Variants in NKAIN3 observed in about 807,000 individuals in gnomAD.
The protein encoded by NKAIN3 is sodium/potassium transporting ATPase interacting 3.
A neutral mutation model predicts 30.2 loss-of-function variants in NKAIN3; 25 were observed. The observed-to-expected ratio is 0.83, with a 90% CI of 0.60 to 1.16. The LOEUF (loss-of-function observed/expected upper bound fraction) is 1.16. Among genes scored for constraint, NKAIN3 ranks in the 50% most tolerant of loss-of-function variants. The pLI, the probability that NKAIN3 is intolerant of heterozygous loss-of-function variation, is 0.00. For missense variants in NKAIN3, 225 were observed against 254.1 expected, an observed-to-expected ratio of 0.89 and a Z score of 0.78; for synonymous variants, 91 against 89.6, an observed-to-expected ratio of 1.02 and a Z score of -0.09.
intron 1 of NKAIN3, among the ~76,000 whole-genome samples, chr8:62,398,716 A>G (rs1017467489): frequency 6.6e-6 from 1 of 152,240 alleles, no homozygotes; most frequent in African/African-American, 2.4e-5. Flanking sequence ...GTCCTGTTTT[A>G]GTTATGATTG....
At chr8:62,879,627 C>T (rs559973250) in intron 4 of NKAIN3, among the ~76,000 whole-genome samples, 1 of 152,172 alleles carries the variant, frequency 6.6e-6, no homozygotes, top group East Asian at 1.9e-4. Context: ...TGGGTGGGTC[C>T]AAATGTGGGA....
chr8:62,871,141 C>A (rs769299170), intron 4 of NKAIN3, among the ~76,000 whole-genome samples: 9 of 152,118 alleles, frequency 5.9e-5, no homozygotes, highest in Non-Finnish European at 1.3e-4. Flanking sequence ...TGGCTCCGAA[C>A]TGTAATCCCA....
chr8:62,457,393 T>A (rs1293622991), intron 1 of NKAIN3, among the ~76,000 whole-genome samples: 2 of 152,208 alleles, frequency 1.3e-5, no homozygotes, highest in African/African-American at 4.8e-5. Context: ...AAGCTCTCTG[T>A]CACCAGTAGT....
At chr8:62,344,107 G>C (rs544566625) in intron 1 of NKAIN3, among the ~76,000 whole-genome samples, 5 of 152,010 alleles carry the variant, frequency 3.3e-5, no homozygotes, top group Admixed American at 1.3e-4. Context: ...CAGCCAGGCT[G>C]GGGGGTGGAG....
intron 4 of NKAIN3, among the ~76,000 whole-genome samples, chr8:62,885,200 G>T (rs1452256114): frequency 6.6e-6 from 1 of 151,970 alleles, no homozygotes; most frequent in African/African-American, 2.4e-5. Context: ...CATTTAGTTT[G>T]AAATATTTTT....
In NKAIN3 at chr8:62,415,111, A is replaced by T. The variant is rs180880559; in HGVS notation, c.55-164428A>T. 6.0e-3 allele frequency among the ~76,000 whole-genome samples: 753 copies of T among 126,124 alleles called. 6 individuals are homozygous for T. The highest frequency in any genetic ancestry group is 8.3e-3 in the Admixed American group (86 of 10,354). 82.7% of individuals were successfully genotyped at this position (126,124 alleles called of 152,430 possible). A position where few individuals can be genotyped will look rare whatever the true frequency, so the allele number is the denominator to read the frequency against. On this transcript the variant is annotated intron_variant, in intron 1 of 6. Coordinates refer to ENST00000623646, the MANE Select transcript of NKAIN3 (RefSeq NM_001304533.3). ...TACTATATTACATATAATATATATT[A>T]TGTATAATATATAATATACTATAGT...
chr8:62,593,347 A>T (rs997711431), intron 3 of NKAIN3, among the ~76,000 whole-genome samples: 1 of 145,352 alleles, frequency 6.9e-6, no homozygotes, highest in Non-Finnish European at 1.5e-5. Context: ...GTACATAATT[A>T]AAAAAAAATC....
chr8:62,478,237 C>T (rs1471989157), intron 1 of NKAIN3, among the ~76,000 whole-genome samples: 4 of 152,038 alleles, frequency 2.6e-5, no homozygotes, highest in African/African-American at 9.7e-5. Context: ...ACTAGTAGAG[C>T]CGGGTATCCA....
intron 3 of NKAIN3, among the ~76,000 whole-genome samples, chr8:62,687,674 G>GC (rs1813841366): frequency 6.6e-6 from 1 of 152,190 alleles, no homozygotes; most frequent in South Asian, 2.1e-4. Flanking sequence ...AAAGCACTCT[G>GC]CTGGCCATTA....
intron 1 of NKAIN3, among the ~76,000 whole-genome samples, chr8:62,352,634 A>G (rs528516839): frequency 6.6e-6 from 1 of 152,300 alleles, no homozygotes; most frequent in African/African-American, 2.4e-5. Flanking sequence ...TTTGATCTAC[A>G]TCTTGGAGAG....
intron 1 of NKAIN3, among the ~76,000 whole-genome samples, chr8:62,538,957 C>G (rs1808753959): frequency 6.6e-6 from 1 of 152,040 alleles, no homozygotes; most frequent in Non-Finnish European, 1.5e-5. Flanking sequence ...TAAATAATTG[C>G]CTGTTTGTTT....
At chr8:62,992,057 CGTCCAGGCTGCA>C (rs1291066820) in intron 5 of NKAIN3, among the ~76,000 whole-genome samples, 1 of 151,446 alleles carries the variant, frequency 6.6e-6, no homozygotes, top group African/African-American at 2.4e-5. Context: ...CTCGCTTTGT[CGTCCAGGCTGCA>C]GTGCAGTGGC....
chr8:62,638,659 T>C (rs962145890), intron 3 of NKAIN3, among the ~76,000 whole-genome samples: 1 of 152,104 alleles, frequency 6.6e-6, no homozygotes, highest in African/African-American at 2.4e-5. Context: ...TGATGCTGTT[T>C]CTTTTTTTCA....
chr8:62,580,049 A>T (rs1023258213), intron 2 of NKAIN3, among the ~76,000 whole-genome samples: 1 of 152,218 alleles, frequency 6.6e-6, no homozygotes. Context: ...TTTCAGTGAC[A>T]TTTGTCACTA....
At chr8:62,513,146 T>G (rs78653086) in intron 1 of NKAIN3, among the ~76,000 whole-genome samples, 3,534 of 152,142 alleles carry the variant, frequency 0.023, 153 homozygotes, top group African/African-American at 0.08. Flanking sequence ...AACTAATCTT[T>G]TCTTGTCAAA....
intron 1 of NKAIN3, among the ~76,000 whole-genome samples, chr8:62,331,014 A>C (rs12547693): frequency 0.51 from 75,516 of 148,208 alleles, 19,157 homozygotes; most frequent in East Asian, 0.59. Context: ...CTCTCTCTCT[A>C]TATATATGTA....
intron 3 of NKAIN3, among the ~76,000 whole-genome samples, chr8:62,696,471 T>C (rs1337157440): frequency 6.6e-6 from 1 of 152,188 alleles, no homozygotes; most frequent in Non-Finnish European, 1.5e-5. Flanking sequence ...ATACCAACAA[T>C]GATTCTAATT....
intron 4 of NKAIN3, chr8:62,855,737 A>G: frequency 1.4e-6 from 2 of 1,468,640 alleles, no homozygotes; most frequent in Non-Finnish European, 1.9e-6. Context: ...CATCTTGTCC[A>G]CCTGCTCTGG....
intron 1 of NKAIN3, among the ~76,000 whole-genome samples, chr8:62,503,714 G>A (rs1231252520): frequency 6.6e-6 from 1 of 152,036 alleles, no homozygotes; most frequent in African/African-American, 2.4e-5. Context: ...TCTTCTACTT[G>A]CATGTCCATT....
Sources: gnomAD v4.1 joint callset for allele counts (sites outside exome capture counted in the v4.1 genomes callset) on GRCh38, gnomAD v4.1.1 for gene constraint, MANE v1.5 for transcripts, NCBI Gene and HGNC (gene_info 2026-07-23, HGNC 2026-07-21) for gene names.